SLC20A2: variants seen among roughly 807,000 people sequenced by gnomAD.
SLC20A2 encodes the protein solute carrier family 20 member 2, also known as sodium-dependent phosphate transporter 2.
SLC20A2 carries 30 observed loss-of-function variants against 61.0 expected under a neutral mutation model. That is an observed-to-expected ratio of 0.49 (90% CI 0.37 to 0.67). The LOEUF (loss-of-function observed/expected upper bound fraction) is 0.67, where lower values mean the gene tolerates loss of function less well. SLC20A2 is among the 30% of genes least tolerant of loss of function. The pLI is 0.00. For synonymous variants in SLC20A2, 351 were observed against 353.3 expected, an observed-to-expected ratio of 0.99 and a Z score of 0.07; for missense variants, 626 against 866.4, an observed-to-expected ratio of 0.72 and a Z score of 3.48.
intron 1 of SLC20A2, among the ~76,000 whole-genome samples, chr8:42,489,934 T>C (rs1170822567): frequency 6.6e-6 from 1 of 152,208 alleles, no homozygotes; most frequent in Non-Finnish European, 1.5e-5. Context: ...CACAAAAATC[T>C]GTGCATGTGT....
chr8:42,465,903 G>C lies in SLC20A2; in HGVS notation c.304C>G (p.Gln102Glu). 1 of 1,612,796 alleles carries C rather than the reference G, an allele frequency of 6.2e-7. No individual in the cohort carries two copies. Among genetic ancestry groups the C allele is most frequent in the Non-Finnish European group, 8.5e-7 (1 of 1,179,684 alleles). Residue 102 changes from glutamine (Q) to glutamate (E), a missense_variant, in exon 3 of 11, where the codon CAG becomes GAG. Physicochemically the swap from Gln to Glu is conservative, Grantham distance 29. Coordinates refer to ENST00000520262, the MANE Select transcript of SLC20A2 (RefSeq NM_001257180.2). ...AGCCTCAGGAAGGAAGCAATCAGCT[G>C]CCACACAGCGGAACCTACAGATTGA... ...VSAMVGSAVW[Q>E]LIASFLRLPI...
At chr8:42,452,740 C>T (rs891735536) in intron 5 of SLC20A2, among the ~76,000 whole-genome samples, 10 of 151,442 alleles carry the variant, frequency 6.6e-5, no homozygotes, top group Admixed American at 5.3e-4. Flanking sequence ...GGGAGGAGGC[C>T]GCAGGAGGCC....
At chr8:42,449,290 C>A (rs893328758) in intron 5 of SLC20A2, among the ~76,000 whole-genome samples, 4 of 152,128 alleles carry the variant, frequency 2.6e-5, no homozygotes, top group Non-Finnish European at 5.9e-5. Context: ...TCTCCGTTCT[C>A]GGTTTTAGCC....
intron 1 of SLC20A2, among the ~76,000 whole-genome samples, chr8:42,493,852 A>G (rs1326746864): frequency 6.6e-6 from 1 of 152,182 alleles, no homozygotes; most frequent in African/African-American, 2.4e-5. Context: ...TTCCAGTGTA[A>G]AAATAATATT....
chr8:42,512,192 C>T (rs1047648652), intron 1 of SLC20A2, among the ~76,000 whole-genome samples: 1 of 152,082 alleles, frequency 6.6e-6, no homozygotes, highest in Non-Finnish European at 1.5e-5. Flanking sequence ...ATTCATTTCC[C>T]ACTTCTTTGA....
intron 1 of SLC20A2, among the ~76,000 whole-genome samples, chr8:42,532,994 C>T (rs187613504): frequency 5.9e-4 from 90 of 151,918 alleles, no homozygotes; most frequent in African/African-American, 2.1e-3. Context: ...AATTCTGGAC[C>T]GAAGAGGAAA....
At chr8:42,534,027 C>T (rs1812547539) in intron 1 of SLC20A2, among the ~76,000 whole-genome samples, 1 of 151,870 alleles carries the variant, frequency 6.6e-6, no homozygotes, top group Admixed American at 6.6e-5. Flanking sequence ...CTCAAAACAA[C>T]AAAAGGGGCC....
chr8:42,511,428 AC>A lies in SLC20A2; in HGVS notation c.-265+30392del, dbSNP rs1421489902. On this transcript the variant is annotated intron_variant, in intron 1 of 10. Transcript: ENST00000342228. The stretch of plus-strand genomic sequence containing the variant: ...CGGATCACGAGGTCAGAAGTTCAAC[AC>A]CAGCCTGGCCAACACAGTGAAACCC... Among the ~76,000 whole-genome samples, 3 of 152,260 alleles carry A rather than the reference AC, an allele frequency of 2.0e-5. No homozygotes were observed. The East Asian group carries it at 5.8e-4, about 29-fold the overall frequency.
chr8:42,423,019 C>T (rs979096732), intron 10 of SLC20A2, among the ~76,000 whole-genome samples: 1 of 152,100 alleles, frequency 6.6e-6, no homozygotes, highest in Non-Finnish European at 1.5e-5. Flanking sequence ...TTTACAAAAT[C>T]CTAATTTTAA....
At position 42,437,781 on chromosome 8, in the gene SLC20A2, C is replaced by CT. The variant is rs371592937; in HGVS notation, c.935-205dup. On this transcript the variant is annotated intron_variant, in intron 7 of 10. Coordinates refer to ENST00000520262, the MANE Select transcript of SLC20A2 (RefSeq NM_001257180.2). The surrounding 1 kb of genome is among the most constrained non-coding windows in gnomAD (Gnocchi z 6.4). Reference sequence around the variant, plus strand: ...CAAGCGCGACACCATGCCCAGCTAACTTTTTTGTATTTTTAGTAGAGATGG... The same window carrying CT: ...CAAGCGCGACACCATGCCCAGCTAACTTTTTTTGTATTTTTAGTAGAGATGG... Among the ~76,000 whole-genome samples the CT allele has an allele frequency of 6.6e-6, 1 of 151,626 alleles. No homozygotes were observed. The highest frequency in any genetic ancestry group is 2.4e-5 in the African/African-American group (1 of 41,308).
intron 1 of SLC20A2, among the ~76,000 whole-genome samples, chr8:42,493,674 G>C (rs1381822800): frequency 1.3e-5 from 2 of 152,168 alleles, no homozygotes; most frequent in African/African-American, 4.8e-5. Flanking sequence ...AGATTATAGA[G>C]TTTGTTAAGA....
intron 1 of SLC20A2, among the ~76,000 whole-genome samples, chr8:42,490,435 G>T (rs1037640594): frequency 6.6e-6 from 1 of 151,934 alleles, no homozygotes; most frequent in Non-Finnish European, 1.5e-5. Context: ...TGTCTCTACC[G>T]AAAATACAAA....
At chr8:42,505,832 A>G (rs13259072), upstream of SLC20A2, among the ~76,000 whole-genome samples, 10,185 of 151,846 alleles carry the variant, frequency 0.067, 439 homozygotes, top group Middle Eastern at 0.16. Flanking sequence ...CGGGGGTTGC[A>G]GTGAGCTGAG....
At position 42,437,413 on chromosome 8, in the gene SLC20A2, G is replaced by A; in HGVS notation, c.1099C>T (p.Pro367Ser). 1.2e-6 allele frequency: 2 copies of A among 1,614,152 alleles called. No homozygotes were observed. Among genetic ancestry groups the A allele is most frequent in the Non-Finnish European group, 8.5e-7 (1 of 1,180,036 alleles). ...CTTTCCTGGGCTGGCTTCTCCTCGG[G>A]GCCCCTGTCGATGTGGATTTTGTGC... ...LLHKIHIDRGPEEKPAQESNY... is the reference protein window; with the variant it reads ...LLHKIHIDRGSEEKPAQESNY... The change falls in exon 8 of 11, where the codon CCC (proline) becomes TCC (serine). Residue 367 changes from proline (P) to serine (S), a missense_variant. Pro to Ser is a moderately conservative substitution (Grantham distance 74). This residue lies in a region of SLC20A2 where 361 missense variants were observed against 422.3 expected (regional missense o/e 0.85). Transcript: ENST00000520262. The surrounding 1 kb of genome is among the most constrained non-coding windows in gnomAD (Gnocchi z 6.4).
At chr8:42,496,016 C>T (rs531541825) in intron 1 of SLC20A2, among the ~76,000 whole-genome samples, 1 of 152,324 alleles carries the variant, frequency 6.6e-6, no homozygotes, top group South Asian at 2.1e-4. Context: ...TCCCAAAGTG[C>T]TGGGAATACA....
At chr8:42,520,118 A>G (rs1235767227) in intron 1 of SLC20A2, among the ~76,000 whole-genome samples, 1 of 148,970 alleles carries the variant, frequency 6.7e-6, no homozygotes, top group Non-Finnish European at 1.5e-5. Context: ...GGTTCAAGCA[A>G]TTCTCCTGCC....
chr8:42,444,815 G>A, intron 5 of SLC20A2, 53 bp from the exon 6 acceptor site: 1 of 1,379,512 alleles, frequency 7.2e-7, no homozygotes, highest in Admixed American at 1.7e-5. Flanking sequence ...TGCAAGGTCA[G>A]GCCTCAGGGC....
chr8:42,417,500 ATAATGCTGCC>A lies in SLC20A2; in HGVS notation c.*293_*302del, dbSNP rs1472526737. 2.1e-5 allele frequency: 4 copies of A among 190,410 alleles called. No homozygotes were observed. Among genetic ancestry groups the A allele is most frequent in the Non-Finnish European group, 4.4e-5 (4 of 91,270 alleles). 11.8% of individuals were successfully genotyped at this position (190,410 alleles called of 1,614,324 possible). A position where few individuals can be genotyped will look rare whatever the true frequency, so the allele number is the denominator to read the frequency against. On this transcript the variant is annotated 3_prime_UTR_variant, in exon 11 of 11. Coordinates refer to ENST00000520262, the MANE Select transcript of SLC20A2 (RefSeq NM_001257180.2). ...CACTCCCAACTTGAATATGTTTGAAATAATGCTGCCTATTCTATGGATACAATAGATATTT... is the reference window on the plus strand; with the variant it reads ...CACTCCCAACTTGAATATGTTTGAAATATTCTATGGATACAATAGATATTT...
Position 42,423,623 on chromosome 8 carries a change from G to A in SLC20A2, c.1794+5135C>T, listed in dbSNP as rs1362479932. ...CTTGTACATATTTATTAATTATGCT[G>A]TTCTAAATAAACGTTCAAATTCTTC... On this transcript the variant is annotated intron_variant, in intron 10 of 10. Transcript: ENST00000520262. 2.6e-5 allele frequency among the ~76,000 whole-genome samples: 4 copies of A among 152,316 alleles called. No individual in the cohort carries two copies. In the East Asian group the frequency reaches 5.8e-4, roughly 22 times the overall value.
Sources: allele counts gnomAD v4.1 joint callset (sites outside exome capture counted in the v4.1 genomes callset), GRCh38; gene constraint gnomAD v4.1.1; regional missense constraint gnomAD v4.1.1; non-coding constraint Gnocchi (gnomAD v3.1); transcripts MANE v1.5; gene names NCBI Gene and HGNC (gene_info 2026-07-23, HGNC 2026-07-21).